Variants in SH3GL2 observed in about 807,000 individuals in gnomAD.
The protein encoded by SH3GL2 is SH3 domain containing GRB2 like 2, endophilin A1, also known as endophilin-A1.
SH3GL2 carries 24 observed loss-of-function variants against 46.0 expected under a neutral mutation model. The ratio of observed to expected loss-of-function variants is 0.52; its 90% CI spans 0.38 to 0.73. The LOEUF is 0.73. Among genes scored for constraint, SH3GL2 ranks in the 30% least tolerant of loss-of-function variants. SH3GL2 has a pLI of 0.00. For missense variants in SH3GL2, 413 were observed against 424.2 expected, an observed-to-expected ratio of 0.97 and a Z score of 0.23; for synonymous variants, 196 against 147.1, an observed-to-expected ratio of 1.33 and a Z score of -2.40.
rs201460722 is a variant in SH3GL2 at position 17,679,500 on chromosome 9, C to G, written c.46-67566C>G. On this transcript the variant is annotated intron_variant, in intron 1 of 8. Transcript: ENST00000380607. ...TTTTGTATCCTGAGACTTTGCTGAA[C>G]TTGCTTATCAGCTTAAGGAGATTTT... 1.6e-3 allele frequency among the ~76,000 whole-genome samples: 245 copies of G among 152,170 alleles called. 6 individuals are homozygous for G. In the East Asian group the frequency reaches 0.028, roughly 17 times the overall value.
At chr9:17,687,461 C>T (rs1027005800) in intron 1 of SH3GL2, among the ~76,000 whole-genome samples, 2 of 140,486 alleles carry the variant, frequency 1.4e-5, no homozygotes, top group African/African-American at 5.4e-5. Context: ...GACTCTGTAA[C>T]AGGGTACATA....
chr9:17,687,003 C>T (rs940136085), intron 1 of SH3GL2, among the ~76,000 whole-genome samples: 2 of 151,268 alleles, frequency 1.3e-5, no homozygotes, highest in African/African-American at 4.9e-5. Flanking sequence ...GGAATTGCAA[C>T]TGTGAACTAC....
At chr9:17,713,765 T>C (rs898255266) in intron 1 of SH3GL2, among the ~76,000 whole-genome samples, 1 of 151,734 alleles carries the variant, frequency 6.6e-6, no homozygotes, top group African/African-American at 2.4e-5. Flanking sequence ...CTTGAATCCT[T>C]TTAAATGTAT....
chr9:17,587,583 TTAG>T (rs748930437), intron 1 of SH3GL2, among the ~76,000 whole-genome samples: 8 of 152,134 alleles, frequency 5.3e-5, no homozygotes, highest in Non-Finnish European at 8.8e-5. Flanking sequence ...CTTCATAAAC[TTAG>T]TAGGCTTCTG....
chr9:17,723,567 C>T (rs1472887184), intron 1 of SH3GL2, among the ~76,000 whole-genome samples: 2 of 152,108 alleles, frequency 1.3e-5, no homozygotes, highest in African/African-American at 2.4e-5. Context: ...AACTGTGTAA[C>T]AGGAGGGATT....
At chr9:17,595,871 A>G (rs1022718) in intron 1 of SH3GL2, among the ~76,000 whole-genome samples, 95,641 of 152,058 alleles carry the variant, frequency 0.63, 32,387 homozygotes, top group Non-Finnish European at 0.75. Flanking sequence ...GCGTTATGCT[A>G]TATTGTTACA....
intron 3 of SH3GL2, among the ~76,000 whole-genome samples, chr9:17,772,445 A>C (rs961756576): frequency 1.3e-5 from 2 of 152,106 alleles, no homozygotes; most frequent in Non-Finnish European, 2.9e-5. Flanking sequence ...CCATCTCCAT[A>C]ACTCTTTTTG....
At chr9:17,682,493 C>T (rs771201915) in intron 1 of SH3GL2, among the ~76,000 whole-genome samples, 33 of 151,920 alleles carry the variant, frequency 2.2e-4, no homozygotes, top group Non-Finnish European at 4.3e-4. Flanking sequence ...CTGGTAAGTG[C>T]GAGTTGAACA....
chr9:17,685,872 G>A (rs187350510), intron 1 of SH3GL2, among the ~76,000 whole-genome samples: 8 of 151,804 alleles, frequency 5.3e-5, no homozygotes, highest in East Asian at 3.9e-4. Context: ...AGTTCAGGAC[G>A]TAGGCATGGG....
intron 1 of SH3GL2, among the ~76,000 whole-genome samples, chr9:17,603,678 T>C (rs1162356767): frequency 6.6e-6 from 1 of 152,014 alleles, no homozygotes; most frequent in Non-Finnish European, 1.5e-5. Context: ...CTGGCCAACA[T>C]GGAGAAACCC....
intron 1 of SH3GL2, among the ~76,000 whole-genome samples, chr9:17,691,707 T>C (rs1409387427): frequency 6.6e-6 from 1 of 152,158 alleles, no homozygotes; most frequent in African/African-American, 2.4e-5. Flanking sequence ...CTAACATAGT[T>C]GGTATTTTAT....
intron 1 of SH3GL2, among the ~76,000 whole-genome samples, chr9:17,724,581 G>C (rs1197164951): frequency 6.6e-6 from 1 of 152,074 alleles, no homozygotes; most frequent in Non-Finnish European, 1.5e-5. Context: ...ATATGTGTGT[G>C]CATGCACATG....
intron 1 of SH3GL2, among the ~76,000 whole-genome samples, chr9:17,704,863 A>G (rs1483645533): frequency 1.3e-5 from 2 of 152,128 alleles, no homozygotes; most frequent in Non-Finnish European, 1.5e-5. Flanking sequence ...GCTGCTGTGG[A>G]CATAGGACTT....
At chr9:17,738,641 T>TATATATATATAGAGAGAGAGAGAGAG (rs376280314) in intron 1 of SH3GL2, among the ~76,000 whole-genome samples, 2 of 88,896 alleles carry the variant, frequency 2.2e-5, no homozygotes, top group African/African-American at 3.7e-5. Flanking sequence ...TATATATATA[T>TATATATATATAGAGAGAGAGAGAGAG]AGAGAGAGAG....
chr9:17,775,921 C>A (rs1823629464), intron 3 of SH3GL2, among the ~76,000 whole-genome samples: 1 of 152,010 alleles, frequency 6.6e-6, no homozygotes, highest in African/African-American at 2.4e-5. Context: ...AGACAGATGC[C>A]CTGTCATTAT....
At chr9:17,620,257 C>A (rs1819106268) in intron 1 of SH3GL2, among the ~76,000 whole-genome samples, 1 of 152,098 alleles carries the variant, frequency 6.6e-6, no homozygotes, top group South Asian at 2.1e-4. Context: ...CCTAAAACAA[C>A]CATTCAGTAA....
At chr9:17,713,237 A>G (rs10810834) in intron 1 of SH3GL2, among the ~76,000 whole-genome samples, 37,950 of 151,310 alleles carry the variant, frequency 0.25, 5,096 homozygotes, top group East Asian at 0.42. Flanking sequence ...TAAAATTTGT[A>G]GAATCTGTAG....
At chr9:17,740,210 C>T (rs1822485418) in intron 1 of SH3GL2, among the ~76,000 whole-genome samples, 1 of 152,052 alleles carries the variant, frequency 6.6e-6, no homozygotes, top group East Asian at 1.9e-4. Context: ...TCTTAAATTT[C>T]CGGATAGGAA....
intron 1 of SH3GL2, among the ~76,000 whole-genome samples, chr9:17,661,131 C>T (rs1820201652): frequency 6.6e-6 from 1 of 152,142 alleles, no homozygotes; most frequent in South Asian, 2.1e-4. Context: ...CACTGCACTC[C>T]AGTCTGGGCA....
Sources: allele counts gnomAD v4.1 joint callset (sites outside exome capture counted in the v4.1 genomes callset), GRCh38; gene constraint gnomAD v4.1.1; transcripts MANE v1.5; gene names NCBI Gene and HGNC (gene_info 2026-07-23, HGNC 2026-07-21).